PCDH9: variants seen among roughly 807,000 people sequenced by gnomAD.
PCDH9 encodes the protein protocadherin-9.
In PCDH9, 24 loss-of-function variants were observed where a neutral mutation model predicts 70.6. The observed-to-expected ratio is 0.34, with a 90% CI of 0.25 to 0.48. PCDH9 has a LOEUF of 0.48. PCDH9 is among the 20% of genes least tolerant of loss of function. PCDH9 has a pLI of 0.99. For synonymous variants in PCDH9, 562 were observed against 558.5 expected (o/e 1.01, Z -0.09); for missense variants, 1,281 against 1,503.6 (o/e 0.85, Z 2.45).
rs959425975 is a variant in PCDH9, at chr13:67,227,522, T to C, written c.919A>G (p.Asn307Asp). 4 of 1,613,758 alleles carry C rather than the reference T, an allele frequency of 2.5e-6. No homozygotes were observed. The highest frequency in any genetic ancestry group is 2.7e-5 in the African/African-American group (2 of 74,914). ...TGAACTGTAATCAGCCCAGTAGTATTATTTAAAGCAAAGAGTCTTTTGGTT... is the reference window on the plus strand; with the variant it reads ...TGAACTGTAATCAGCCCAGTAGTATCATTTAAAGCAAAGAGTCTTTTGGTT... ...PATKRLFALN[N>D]TTGLITVQRS... is the part of the protein sequence containing the mutation. The change falls in exon 2 of 5, where the codon AAT becomes GAT. Residue 307 changes from asparagine (N) to aspartate (D), a missense_variant. By Grantham distance (23) the Asn-to-Asp change is conservative. Around this residue, in one of 4 missense-constraint regions of PCDH9, gnomAD observed 798 missense variants for 1,003.1 expected, o/e 0.80. Coordinates refer to ENST00000377865, the MANE Select transcript of PCDH9 (RefSeq NM_203487.3). The surrounding 1 kb of genome is among the most constrained non-coding windows in gnomAD (Gnocchi z 4.6).
chr13:66,672,360 T>C (rs1262539102), intron 3 of PCDH9, among the ~76,000 whole-genome samples: 2 of 152,290 alleles, frequency 1.3e-5, no homozygotes, highest in South Asian at 2.1e-4. Flanking sequence ...AAATCAAAAA[T>C]TGAGGTTTGG....
chr13:66,597,828 A>G (rs1334236410), intron 4 of PCDH9, among the ~76,000 whole-genome samples: 1 of 151,844 alleles, frequency 6.6e-6, no homozygotes, highest in Non-Finnish European at 1.5e-5. Context: ...CGCAAACCAT[A>G]TATCTGATAA....
At chr13:67,069,214 G>A (rs1275091027) in intron 2 of PCDH9, among the ~76,000 whole-genome samples, 1 of 151,986 alleles carries the variant, frequency 6.6e-6, no homozygotes, top group Non-Finnish European at 1.5e-5. Flanking sequence ...TTTCTAGAAT[G>A]ACTACAAATA....
intron 4 of PCDH9, among the ~76,000 whole-genome samples, chr13:66,539,583 C>G (rs1960856748): frequency 1.3e-5 from 2 of 152,124 alleles, no homozygotes; most frequent in African/African-American, 2.4e-5. Flanking sequence ...AAGAATCACT[C>G]AGCTGAGCTC....
chr13:66,416,804 T>G (rs748220455), intron 4 of PCDH9, among the ~76,000 whole-genome samples: 2 of 152,140 alleles, frequency 1.3e-5, no homozygotes, highest in Non-Finnish European at 2.9e-5. Context: ...GAGATTACCA[T>G]GCTAAGCTCT....
chr13:66,971,164 G>C (rs1668238749), intron 2 of PCDH9, among the ~76,000 whole-genome samples: 1 of 151,976 alleles, frequency 6.6e-6, no homozygotes, highest in South Asian at 2.1e-4. Context: ...CTAACACTCT[G>C]TACTGTGATT....
chr13:66,316,006 C>T (rs968964714), intron 4 of PCDH9, among the ~76,000 whole-genome samples: 3 of 152,190 alleles, frequency 2.0e-5, no homozygotes, highest in Admixed American at 2.0e-4. Context: ...CTGGTTCCTT[C>T]TAGAAATTCT....
chr13:67,156,345 G>A (rs1162654183), intron 2 of PCDH9, among the ~76,000 whole-genome samples: 2 of 152,116 alleles, frequency 1.3e-5, no homozygotes, highest in East Asian at 1.9e-4. Context: ...GGAACACACA[G>A]GCCGTTGAAG....
At chr13:67,081,765 C>T (rs1035818540) in intron 2 of PCDH9, among the ~76,000 whole-genome samples, 3 of 152,046 alleles carry the variant, frequency 2.0e-5, no homozygotes, top group African/African-American at 7.3e-5. Context: ...TTTAGTATTA[C>T]CATTATTATT....
At chr13:66,434,945 T>C (rs1957842242) in intron 4 of PCDH9, among the ~76,000 whole-genome samples, 1 of 152,028 alleles carries the variant, frequency 6.6e-6, no homozygotes, top group Admixed American at 6.6e-5. Flanking sequence ...AAGAAGGAAA[T>C]GTTTTATTGC....
chr13:67,178,619 A>C (rs1298941450), intron 2 of PCDH9, among the ~76,000 whole-genome samples: 1 of 151,880 alleles, frequency 6.6e-6, no homozygotes, highest in Non-Finnish European at 1.5e-5. Context: ...CAATGTTTTA[A>C]ACTCCTCTTA....
chr13:66,622,232 G>A (rs1340487176), intron 4 of PCDH9, among the ~76,000 whole-genome samples: 7 of 152,214 alleles, frequency 4.6e-5, no homozygotes, highest in African/African-American at 9.6e-5. Context: ...AGCCTCCCCC[G>A]CTCCGTGGGC....
At chr13:66,850,323 A>T (rs1274325560) in intron 3 of PCDH9, among the ~76,000 whole-genome samples, 1 of 152,164 alleles carries the variant, frequency 6.6e-6, no homozygotes, top group Non-Finnish European at 1.5e-5. Context: ...GTTCAAGACC[A>T]GCCTGGCCAA....
At chr13:66,972,384 A>G (rs376182192) in intron 2 of PCDH9, among the ~76,000 whole-genome samples, 23 of 151,942 alleles carry the variant, frequency 1.5e-4, no homozygotes, top group African/African-American at 4.8e-4. Flanking sequence ...AAAAATTAAT[A>G]ACTTTCTCTT....
chr13:66,533,294 A>C (rs1427955088), intron 4 of PCDH9, among the ~76,000 whole-genome samples: 1 of 152,146 alleles, frequency 6.6e-6, no homozygotes, highest in Non-Finnish European at 1.5e-5. Flanking sequence ...CATTAAAATA[A>C]ATATGTTCAT....
intron 3 of PCDH9, among the ~76,000 whole-genome samples, chr13:66,767,749 C>G (rs1365667672): frequency 6.6e-6 from 1 of 152,054 alleles, no homozygotes; most frequent in Middle Eastern, 3.2e-3. Context: ...AAAAGAACAT[C>G]TGTAGCAGTC....
intron 4 of PCDH9, among the ~76,000 whole-genome samples, chr13:66,388,267 C>T (rs192428376): frequency 2.6e-5 from 4 of 152,234 alleles, no homozygotes; most frequent in Non-Finnish European, 5.9e-5. Context: ...AATGTTTACA[C>T]TCATAAGAAT....
intron 2 of PCDH9, among the ~76,000 whole-genome samples, chr13:67,127,676 ATG>A (rs142545550): frequency 8.0e-4 from 116 of 145,570 alleles, no homozygotes; most frequent in Middle Eastern, 3.5e-3. Flanking sequence ...ATATATATAT[ATG>A]TGTGTGTGTG....
At chr13:66,856,042 A>C (rs186321801) in intron 3 of PCDH9, among the ~76,000 whole-genome samples, 2 of 152,108 alleles carry the variant, frequency 1.3e-5, no homozygotes, top group South Asian at 2.1e-4. Context: ...TGAATACACT[A>C]TAGGTATAGG....
Sources: allele counts gnomAD v4.1 joint callset (sites outside exome capture counted in the v4.1 genomes callset), GRCh38; gene constraint gnomAD v4.1.1; regional missense constraint gnomAD v4.1.1; non-coding constraint Gnocchi (gnomAD v3.1); transcripts MANE v1.5; gene names NCBI Gene and HGNC (gene_info 2026-07-23, HGNC 2026-07-21).